The following KCTD8 variants were observed in gnomAD, a reference collection of about 807,000 sequenced individuals.
KCTD8 encodes potassium channel tetramerization domain containing 8.
A neutral mutation model predicts 31.5 loss-of-function variants in KCTD8; 27 were observed. The observed-to-expected ratio is 0.86, with a 90% CI of 0.63 to 1.18. The LOEUF is 1.18. KCTD8 is among the 50% of genes most tolerant of loss of function. The pLI is 0.00. For synonymous variants in KCTD8, 290 were observed against 280.0 expected (o/e 1.04, Z -0.36); for missense variants, 658 against 647.7 (o/e 1.02, Z -0.17).
chr4:44,438,352 C>T (rs1355150316), intron 1 of KCTD8, among the ~76,000 whole-genome samples: 2 of 152,312 alleles, frequency 1.3e-5, no homozygotes, highest in East Asian at 1.9e-4. Context: ...TATTTGAGCC[C>T]ATCTGGCTCT....
At chr4:44,366,886 G>T (rs979943166) in intron 1 of KCTD8, among the ~76,000 whole-genome samples, 1 of 152,094 alleles carries the variant, frequency 6.6e-6, no homozygotes, top group East Asian at 1.9e-4. Flanking sequence ...ATTTTGTCAT[G>T]CTGTATGTGT....
intron 1 of KCTD8, among the ~76,000 whole-genome samples, chr4:44,408,055 G>A (rs1461717698): frequency 2.0e-5 from 3 of 152,100 alleles, no homozygotes; most frequent in African/African-American, 7.2e-5. Context: ...GTAGATTGGG[G>A]AACTATATAT....
At chr4:44,353,541 G>A (rs889302976) in intron 1 of KCTD8, among the ~76,000 whole-genome samples, 10 of 151,812 alleles carry the variant, frequency 6.6e-5, no homozygotes, top group African/African-American at 1.9e-4. Context: ...TCCCTATCGT[G>A]CTTCCAAACA....
At chr4:44,418,265 G>C (rs1288146359) in intron 1 of KCTD8, among the ~76,000 whole-genome samples, 2 of 152,096 alleles carry the variant, frequency 1.3e-5, no homozygotes, top group African/African-American at 4.8e-5. Context: ...AAACTGAATG[G>C]TAACACTATA....
chr4:44,382,176 C>T (rs905486480), intron 1 of KCTD8, among the ~76,000 whole-genome samples: 4 of 151,940 alleles, frequency 2.6e-5, no homozygotes, highest in Non-Finnish European at 5.9e-5. Flanking sequence ...GACAGATTAC[C>T]TAGACAGAAA....
chr4:44,370,390 A>T (rs1222711288), intron 1 of KCTD8, among the ~76,000 whole-genome samples: 1 of 152,224 alleles, frequency 6.6e-6, no homozygotes, highest in African/African-American at 2.4e-5. Context: ...TATGTCCAAT[A>T]ATTATACATC....
At chr4:44,304,831 T>C (rs919824576) in intron 1 of KCTD8, among the ~76,000 whole-genome samples, 1 of 151,916 alleles carries the variant, frequency 6.6e-6, no homozygotes, top group Admixed American at 6.6e-5. Context: ...CAAAAATATA[T>C]GCATTTGTTG....
intron 1 of KCTD8, among the ~76,000 whole-genome samples, chr4:44,427,738 T>C (rs1359519028): frequency 1.3e-5 from 2 of 151,644 alleles, no homozygotes; most frequent in Admixed American, 1.3e-4. Context: ...TCAGAAATTC[T>C]CCAAAGCATT....
At chr4:44,207,571 A>T (rs1714351589) in intron 1 of KCTD8, among the ~76,000 whole-genome samples, 1 of 152,208 alleles carries the variant, frequency 6.6e-6, no homozygotes, top group Non-Finnish European at 1.5e-5. Context: ...GTCCCTGCAC[A>T]TTCATCTCCT....
intron 1 of KCTD8, among the ~76,000 whole-genome samples, chr4:44,407,324 C>T (rs1159370986): frequency 6.6e-6 from 1 of 152,000 alleles, no homozygotes; most frequent in Non-Finnish European, 1.5e-5. Context: ...CTCTATACCT[C>T]AAATCTACTT....
chr4:44,393,635 T>A (rs1208279634), intron 1 of KCTD8, among the ~76,000 whole-genome samples: 1 of 151,700 alleles, frequency 6.6e-6, no homozygotes, highest in Non-Finnish European at 1.5e-5. Flanking sequence ...AAAACTTTTA[T>A]GTATTTACAA....
intron 1 of KCTD8, among the ~76,000 whole-genome samples, chr4:44,351,262 T>C (rs933978870): frequency 2.0e-5 from 3 of 152,128 alleles, no homozygotes; most frequent in Admixed American, 6.6e-5. Flanking sequence ...CCTGGCTGTC[T>C]AAATAATTGT....
chr4:44,289,502 G>T (rs1051729097), intron 1 of KCTD8, among the ~76,000 whole-genome samples: 6 of 152,122 alleles, frequency 3.9e-5, no homozygotes, highest in Non-Finnish European at 7.4e-5. Flanking sequence ...GACCCTGAGG[G>T]TAAAGAGAAA....
At chr4:44,243,589 G>A (rs1466981211) in intron 1 of KCTD8, among the ~76,000 whole-genome samples, 1 of 152,132 alleles carries the variant, frequency 6.6e-6, no homozygotes, top group African/African-American at 2.4e-5. Context: ...TAGCACTCAG[G>A]TGCTTTATAA....
At chr4:44,181,678 G>T (rs1293661806) in intron 1 of KCTD8, among the ~76,000 whole-genome samples, 1 of 152,208 alleles carries the variant, frequency 6.6e-6, no homozygotes, top group African/African-American at 2.4e-5. Flanking sequence ...CCCCGTCTGG[G>T]AAGTGAGGAC....
At chr4:44,181,805 C>T (rs1297147854) in intron 1 of KCTD8, among the ~76,000 whole-genome samples, 7 of 151,500 alleles carry the variant, frequency 4.6e-5, no homozygotes, top group East Asian at 2.0e-4. Context: ...AAGTGAGGAG[C>T]GTCTCTGCCC....
chr4:44,375,184 G>T (rs1719888779), intron 1 of KCTD8, among the ~76,000 whole-genome samples: 1 of 152,080 alleles, frequency 6.6e-6, no homozygotes, highest in Admixed American at 6.6e-5. Flanking sequence ...AGACAATGTG[G>T]CCAGTAGAGA....
chr4:44,212,137 C>T (rs1323884319), intron 1 of KCTD8, among the ~76,000 whole-genome samples: 1 of 152,088 alleles, frequency 6.6e-6, no homozygotes, highest in Non-Finnish European at 1.5e-5. Flanking sequence ...TAGAACAGTT[C>T]TTGTATCCTG....
intron 1 of KCTD8, among the ~76,000 whole-genome samples, chr4:44,215,174 T>TA (rs1714612016): frequency 6.6e-6 from 1 of 152,156 alleles, no homozygotes; most frequent in Admixed American, 6.5e-5. Flanking sequence ...TGAGCAATAA[T>TA]AAAACTCTGG....
Sources: gnomAD v4.1 joint callset for allele counts (sites outside exome capture counted in the v4.1 genomes callset) on GRCh38, gnomAD v4.1.1 for gene constraint, MANE v1.5 for transcripts, NCBI Gene and HGNC (gene_info 2026-07-23, HGNC 2026-07-21) for gene names.